Variants in LAMA4 observed in about 807,000 individuals in gnomAD.
LAMA4 encodes the protein laminin subunit alpha 4.
LAMA4 carries 127 observed loss-of-function variants against 207.1 expected under a neutral mutation model. The ratio of observed to expected loss-of-function variants is 0.61; its 90% confidence interval spans 0.53 to 0.71. The LOEUF (loss-of-function observed/expected upper bound fraction) is 0.71, where lower values mean the gene tolerates loss of function less well. LAMA4 is among the 30% of genes least tolerant of loss of function. The probability of loss-of-function intolerance (pLI) is 0.00; values close to 1 mark genes in which losing one functional copy is unlikely to be tolerated. For missense variants in LAMA4, 2,093 were observed against 2,246.5 expected, an observed-to-expected ratio of 0.93 and a Z score of 1.38; for synonymous variants, 761 against 816.0, an observed-to-expected ratio of 0.93 and a Z score of 1.15.
intron 12 of LAMA4, chr6:112,166,302 A>G (rs1554339896): frequency 6.6e-6 from 1 of 152,210 alleles, no homozygotes; most frequent in African/African-American, 2.4e-5. Flanking sequence ...ACATTTGAAC[A>G]TCCTCTTAAT....
intron 5 of LAMA4, among the ~76,000 whole-genome samples, chr6:112,196,814 A>C (rs1307545646): frequency 1.3e-5 from 2 of 152,176 alleles, no homozygotes; most frequent in Non-Finnish European, 2.9e-5. Flanking sequence ...TGCTGTTGCT[A>C]TTTCTTATTG....
At chr6:112,193,487 A>T (rs1783237252) in intron 5 of LAMA4, among the ~76,000 whole-genome samples, 1 of 152,024 alleles carries the variant, frequency 6.6e-6, no homozygotes, top group East Asian at 1.9e-4. Flanking sequence ...AAAAAATCAC[A>T]TCTGTAATCC....
chr6:112,208,274 G>A (rs1554355162), intron 3 of LAMA4, among the ~76,000 whole-genome samples: 1 of 152,180 alleles, frequency 6.6e-6, no homozygotes, highest in African/African-American at 2.4e-5. Flanking sequence ...CAGTGGAGGA[G>A]CCTTGGGAAA....
chr6:112,133,283 T>C, intron 27 of LAMA4, 66 bp downstream of exon 27: 1 of 1,559,366 alleles, frequency 6.4e-7, no homozygotes, highest in Non-Finnish European at 8.8e-7. Context: ...TGAAAAGAAC[T>C]TTTCCAGCTT....
intron 16 of LAMA4, among the ~76,000 whole-genome samples, chr6:112,152,947 T>C (rs1554336060): frequency 6.6e-6 from 1 of 152,056 alleles, no homozygotes; most frequent in African/African-American, 2.4e-5. Context: ...AGAAAGAATA[T>C]ATTTAACTCT....
rs1777980609 is a variant in LAMA4 at position 112,115,761 on chromosome 6, A to T, written c.5112+102T>A. On this transcript the variant is annotated intron_variant, in intron 36 of 38. Coordinates refer to ENST00000230538, the MANE Select transcript of LAMA4 (RefSeq NM_001105206.3). ...TTATAGCTTTCCTATATTTCTTTTC[A>T]GTTAGGAAAGATTGATGAAATAATT... The T allele has an allele frequency of 3.2e-6, 4 of 1,232,128 alleles. No individual in the cohort carries two copies. The Admixed American group carries it at 6.8e-5, about 21-fold the overall frequency. The allele number at this position is 1,232,128 out of a possible 1,614,324, so 76.3% of individuals were successfully genotyped here.
At position 112,173,878 on chromosome 6, in the gene LAMA4, A is replaced by G. The variant is rs725365; in HGVS notation, c.1358-1074T>C. 6.9e-3 allele frequency among the ~76,000 whole-genome samples: 1,055 copies of G among 152,318 alleles called. 16 individuals are homozygous for G. The highest frequency in any genetic ancestry group is 0.024 in the African/African-American group (1,000 of 41,560). On this transcript the variant is annotated intron_variant, in intron 11 of 38. Transcript: ENST00000230538. ...ACTGCTTCTTAGAGTGTGTTCTAAA[A>G]TGCATACAATAAAATATATAGAAAT...
At chr6:112,130,215 A>C (rs1778949320) in intron 29 of LAMA4, 175 bp from the exon 30 acceptor site, 3 of 612,730 alleles carry the variant, frequency 4.9e-6, no homozygotes, top group Admixed American at 5.8e-5. Flanking sequence ...GGATATTTCT[A>C]TATGCAAAAA....
chr6:112,152,156 G>A (rs1348801201), intron 16 of LAMA4, among the ~76,000 whole-genome samples: 1 of 151,926 alleles, frequency 6.6e-6, no homozygotes, highest in African/African-American at 2.4e-5. Context: ...AAGTTTTGCT[G>A]GCTTCATAAA....
intron 31 of LAMA4, among the ~76,000 whole-genome samples, chr6:112,128,716 T>G (rs1554328466): frequency 6.6e-6 from 1 of 152,134 alleles, no homozygotes; most frequent in African/African-American, 2.4e-5. Context: ...AATTACTACA[T>G]TTCAATAAAA....
chr6:112,172,357 C>T (rs1781764978), intron 12 of LAMA4: 1 of 468,162 alleles, frequency 2.1e-6, no homozygotes. Flanking sequence ...GAATAACAGA[C>T]CCATACACAT....
chr6:112,246,225 G>A (rs1249292742), intron 2 of LAMA4, among the ~76,000 whole-genome samples: 1 of 152,076 alleles, frequency 6.6e-6, no homozygotes, highest in Non-Finnish European at 1.5e-5. Flanking sequence ...CTTCTGTATG[G>A]TCACTATACA....
chr6:112,161,278 A>T lies in LAMA4; in HGVS notation c.1669-2398T>A, dbSNP rs543881216. ...CAAATGATTGTAATAATTTTAAGTG[A>T]TTATTTAACTCATCACATCATACAA... is the stretch of plus-strand genomic sequence containing the variant. On this transcript the variant is annotated intron_variant, in intron 13 of 38. Coordinates refer to ENST00000230538, the MANE Select transcript of LAMA4 (RefSeq NM_001105206.3). Among the ~76,000 whole-genome samples, 11 of 152,258 alleles carry T rather than the reference A, an allele frequency of 7.2e-5. No homozygotes were observed. The South Asian group carries it at 2.3e-3, about 32-fold the overall frequency.
intron 2 of LAMA4, 198 bp downstream of exon 2, chr6:112,253,758 A>C: frequency 6.2e-7 from 1 of 1,613,916 alleles, no homozygotes; most frequent in South Asian, 1.1e-5. Flanking sequence ...CCGAAGCCTC[A>C]ACTTTCAACT....
chr6:112,162,972 T>G (rs980596636), intron 13 of LAMA4, among the ~76,000 whole-genome samples: 9 of 132,830 alleles, frequency 6.8e-5, no homozygotes, highest in Admixed American at 2.1e-4. Flanking sequence ...AATCTTTTTT[T>G]TTTTTTTTTT....
At chr6:112,174,291 G>T (rs1554342913) in intron 11 of LAMA4, among the ~76,000 whole-genome samples, 2 of 152,198 alleles carry the variant, frequency 1.3e-5, no homozygotes, top group Non-Finnish European at 2.9e-5. Flanking sequence ...GAACAACCTG[G>T]ACTAGCCTTG....
intron 2 of LAMA4, among the ~76,000 whole-genome samples, chr6:112,243,011 C>CAAG (rs1786630994): frequency 6.6e-6 from 1 of 152,296 alleles, no homozygotes; most frequent in East Asian, 1.9e-4. Flanking sequence ...AGTCCCTGAT[C>CAAG]TCTTCCATTG....
At chr6:112,127,362 G>GT (rs1778759123) in intron 31 of LAMA4, among the ~76,000 whole-genome samples, 1 of 152,032 alleles carries the variant, frequency 6.6e-6, no homozygotes, top group Admixed American at 6.6e-5. Flanking sequence ...CATTGAACAG[G>GT]TGAGAGTTGA....
intron 21 of LAMA4, among the ~76,000 whole-genome samples, 167 bp downstream of exon 21, chr6:112,141,191 A>G (rs548386412): frequency 1.3e-5 from 2 of 152,278 alleles, no homozygotes; most frequent in African/African-American, 2.4e-5. Context: ...GGGAAAGAAT[A>G]TAAGAATAAT....
Sources: allele counts gnomAD v4.1 joint callset (sites outside exome capture counted in the v4.1 genomes callset), GRCh38; gene constraint gnomAD v4.1.1; transcripts MANE v1.5; gene names NCBI Gene and HGNC (gene_info 2026-07-23, HGNC 2026-07-21).